The following TMEM145 variants were observed in gnomAD, a reference collection of about 807,000 sequenced individuals.
TMEM145 encodes transmembrane protein 145.
Under a neutral mutation model 68.5 loss-of-function variants are expected in TMEM145, and 46 were observed. That is an observed-to-expected ratio of 0.67 (90% CI 0.53 to 0.86). The LOEUF is 0.86. Ranked by LOEUF, TMEM145 falls within the 40% of genes least tolerant of loss-of-function variation. The pLI is 0.00. For synonymous variants in TMEM145, 255 were observed against 280.2 expected (o/e 0.91, Z 0.90); for missense variants, 570 against 645.8 (o/e 0.88, Z 1.27).
chr19:42,314,220 T>A, intron 1 of TMEM145, 52 bp from the exon 2 acceptor site: 1 of 1,601,930 alleles, frequency 6.2e-7, no homozygotes, highest in Non-Finnish European at 8.6e-7. Context: ...GTCTATGGAG[T>A]AAAGAGTTCT....
At chr19:42,320,054 C>T (rs1054602202) in intron 12 of TMEM145, among the ~76,000 whole-genome samples, 4 of 152,274 alleles carry the variant, frequency 2.6e-5, no homozygotes, top group South Asian at 2.1e-4. Context: ...CCACCGTGCC[C>T]GGGCTGTCTA....
At chr19:42,317,902 G>A (rs2038875048) in intron 12 of TMEM145, 21 bp downstream of exon 12, 3 of 1,612,964 alleles carry the variant, frequency 1.9e-6, no homozygotes, top group African/African-American at 1.3e-5. Context: ...GTGGGCCCCA[G>A]CCTGTCCCTG....
chr19:42,317,928 TC>T, intron 12 of TMEM145, 47 bp downstream of exon 12: 1 of 1,602,440 alleles, frequency 6.2e-7, no homozygotes. Flanking sequence ...CTCTCGGGGC[TC>T]CCCAGAAGTG....
intron 11 of TMEM145, among the ~76,000 whole-genome samples, chr19:42,317,374 T>A (rs753572124): frequency 7.9e-5 from 12 of 152,234 alleles, no homozygotes; most frequent in Non-Finnish European, 1.5e-4. Flanking sequence ...ATCGTCTGTA[T>A]GGCTTTGGCC....
chr19:42,318,081 G>T (rs2038876717), intron 12 of TMEM145, among the ~76,000 whole-genome samples, 200 bp downstream of exon 12: 1 of 152,140 alleles, frequency 6.6e-6, no homozygotes, highest in African/African-American at 2.4e-5. Context: ...AAAACAACAG[G>T]ATCTCGCCAG....
chr19:42,319,761 T>C (rs892964140), intron 12 of TMEM145, among the ~76,000 whole-genome samples: 27 of 135,654 alleles, frequency 2.0e-4, no homozygotes, highest in East Asian at 1.3e-3. Context: ...TTTCTTCTTT[T>C]TTTTTTTTTT....
rs1308217368 is a variant in TMEM145, at chr19:42,313,727, G to A, written c.120+231G>A. 6.6e-6 allele frequency among the ~76,000 whole-genome samples: 1 copy of A among 152,152 alleles called. No homozygotes were observed. Among genetic ancestry groups the A allele is most frequent in the Admixed American group, 6.5e-5 (1 of 15,282 alleles). On this transcript the variant is annotated intron_variant, in intron 1 of 14. Coordinates refer to ENST00000301204, the MANE Select transcript of TMEM145 (RefSeq NM_173633.3). The surrounding 1 kb of genome is among the most constrained non-coding windows in gnomAD (Gnocchi z 5.1). ...GGAGGGACGTTGAGGTCAGAGCTGA[G>A]CGGGGAGGGGGAGCGGGTTGGGAGA...
chr19:42,314,550 T>C lies in TMEM145; in HGVS notation c.273+22T>C, dbSNP rs1331742258. The C allele has an allele frequency of 6.8e-6, 11 of 1,613,988 alleles. No individual in the cohort carries two copies. The Admixed American group carries it at 1.2e-4, about 17-fold the overall frequency. The stretch of plus-strand genomic sequence containing the variant: ...CAAGGTGAGGGCTGTGAAGAGGGCA[T>C]AGGGGGAGAGGGGAGAAGGTCGTTG... On this transcript the variant is annotated intron_variant, in intron 3 of 14. Coordinates refer to ENST00000301204, the MANE Select transcript of TMEM145 (RefSeq NM_173633.3).
At chr19:42,314,212 C>T in intron 1 of TMEM145, 60 bp from the exon 2 acceptor site, 37 of 1,591,336 alleles carry the variant, frequency 2.3e-5, no homozygotes, top group Non-Finnish European at 2.8e-5. Context: ...AGTTGGGGGT[C>T]TATGGAGTAA....
intron 14 of TMEM145, chr19:42,324,240 G>A (rs1278016596): frequency 4.1e-6 from 4 of 983,884 alleles, no homozygotes; most frequent in Non-Finnish European, 3.6e-6. Context: ...TGCCCCCCGA[G>A]GGTCCCGGAC....
rs1037736720 is a variant in TMEM145, at chr19:42,324,237, CG to C, written c.1401+449del. ...GGCCTTCGGGGCCGCATCTGCCCCC[CG>C]AGGGTCCCGGACGGCCTCTGACCCT... is the stretch of plus-strand genomic sequence containing the variant. On this transcript the variant is annotated intron_variant, in intron 14 of 14. Coordinates refer to ENST00000301204, the MANE Select transcript of TMEM145 (RefSeq NM_173633.3). 6 of 983,324 alleles carry C rather than the reference CG, an allele frequency of 6.1e-6. No homozygotes were observed. The African/African-American group carries it at 8.7e-5, about 14-fold the overall frequency. 60.9% of individuals were successfully genotyped at this position (983,324 alleles called of 1,614,324 possible).
Position 42,314,342 on chromosome 19 carries a change from C to T in TMEM145, c.191C>T (p.Pro64Leu), listed in dbSNP as rs1318579502. ...CGACTGGACTTCCGTTTCCGCTACC[C>T]TGAGGTGAGTCTCCCCCAACACTCG... ...YGRLDFRFRY[P>L]EAKCCQNILL... The change falls in exon 2 of 15, where the codon CCT becomes CTT. Residue 64 changes from proline (P) to leucine (L), a missense_variant. Physicochemically the swap from Pro to Leu is moderately conservative, Grantham distance 98. Transcript: ENST00000301204. The T allele has an allele frequency of 9.3e-6, 15 of 1,613,992 alleles. No homozygotes were observed. Among genetic ancestry groups the T allele is most frequent in the Non-Finnish European group, 1.3e-5 (15 of 1,180,022 alleles).
chr19:42,318,757 G>A (rs1485972077), intron 12 of TMEM145, among the ~76,000 whole-genome samples: 3 of 151,354 alleles, frequency 2.0e-5, no homozygotes, highest in Admixed American at 1.3e-4. Context: ...TATGAGGGCC[G>A]AGTGTCTGGC....
At position 42,316,883 on chromosome 19, in the gene TMEM145, C is replaced by T; in HGVS notation, c.820C>T (p.His274Tyr). Reference sequence around the variant, plus strand: ...GCCTGCTGCCAGGGGCCGCATCAGCCACGCGGGCTCCGTGAAGTTGTCTGT... The same window carrying T: ...GCCTGCTGCCAGGGGCCGCATCAGCTACGCGGGCTCCGTGAAGTTGTCTGT... The part of the protein sequence containing the change: ...GFTVTRGRIS[H>Y]AGSVKLSVYM... The change falls in exon 11 of 15, where the codon CAC (histidine) becomes TAC (tyrosine). Residue 274 changes from histidine (H) to tyrosine (Y), a missense_variant. His to Tyr is a moderately conservative substitution (Grantham distance 83). Transcript: ENST00000301204. 1 of 1,613,616 alleles carries T rather than the reference C, an allele frequency of 6.2e-7. No homozygotes were observed. The highest frequency in any genetic ancestry group is 1.1e-5 in the South Asian group (1 of 91,084).
intron 13 of TMEM145, among the ~76,000 whole-genome samples, chr19:42,322,446 G>A (rs918205178): frequency 3.9e-5 from 6 of 152,144 alleles, no homozygotes; most frequent in East Asian, 1.9e-4. Context: ...CAAGCACAGC[G>A]CCCTTCCTGC....
chr19:42,320,658 C>T (rs553674721), intron 13 of TMEM145, among the ~76,000 whole-genome samples: 8 of 151,516 alleles, frequency 5.3e-5, no homozygotes, highest in African/African-American at 1.9e-4. Flanking sequence ...GACAGAGTCT[C>T]ACTCTGTCTC....
At chr19:42,315,499 C>T in intron 8 of TMEM145, 59 bp downstream of exon 8, 2 of 1,572,402 alleles carry the variant, frequency 1.3e-6, no homozygotes, top group Non-Finnish European at 1.7e-6. Flanking sequence ...GGGCCAGACA[C>T]CTGGGCCTAA....
In TMEM145 at chr19:42,320,376, G is replaced by A. The variant is rs778685428; in HGVS notation, c.1133G>A (p.Arg378Gln). The change falls in exon 13 of 15, where the codon CGG becomes CAG. Residue 378 changes from arginine to glutamine, a missense_variant. Transcript: ENST00000301204. ...AATTTCGGCATCCCCAAGTGGGCCCGGGAGAAGATTGTCAATGGCATCCAG... is the reference window on the plus strand; with the variant it reads ...AATTTCGGCATCCCCAAGTGGGCCCAGGAGAAGATTGTCAATGGCATCCAG... Reference protein sequence around the residue: ...IANFGIPKWAREKIVNGIQLG... With the variant: ...IANFGIPKWAQEKIVNGIQLG... The A allele has an allele frequency of 1.8e-5, 29 of 1,614,022 alleles. No homozygotes were observed. The highest frequency in any genetic ancestry group is 9.3e-5 in the African/African-American group (7 of 74,940).
In TMEM145 at chr19:42,324,912, G is replaced by T. The variant is rs2038957547; in HGVS notation, c.*95G>T. 7.4e-7 allele frequency: 1 copy of T among 1,345,510 alleles called. No individual in the cohort carries two copies. Among genetic ancestry groups the T allele is most frequent in the Non-Finnish European group, 9.5e-7 (1 of 1,049,672 alleles). The allele number at this position is 1,345,510 out of a possible 1,614,324, so 83.3% of individuals were successfully genotyped here. A position where few individuals can be genotyped will look rare whatever the true frequency, so the allele number is the denominator to read the frequency against. On this transcript the variant is annotated 3_prime_UTR_variant, in exon 15 of 15. Coordinates refer to ENST00000301204, the MANE Select transcript of TMEM145 (RefSeq NM_173633.3). Reference sequence around the variant, plus strand: ...CCCCGGGATGGATATTGCGATGCTGGTCTCGACCCTGAAACCCTCCCTCGG... The same window carrying T: ...CCCCGGGATGGATATTGCGATGCTGTTCTCGACCCTGAAACCCTCCCTCGG...
Sources: gnomAD v4.1 joint callset for allele counts (sites outside exome capture counted in the v4.1 genomes callset) on GRCh38, gnomAD v4.1.1 for gene constraint, Gnocchi (gnomAD v3.1) non-coding constraint, MANE v1.5 for transcripts, NCBI Gene and HGNC (gene_info 2026-07-23, HGNC 2026-07-21) for gene names.